The following ZMYND11 variants were observed in gnomAD, a reference collection of about 807,000 sequenced individuals.
ZMYND11 encodes zinc finger MYND-type containing 11, also known as zinc finger MYND domain-containing protein 11.
A neutral mutation model predicts 84.9 loss-of-function variants in ZMYND11; 9 were observed. The ratio of observed to expected loss-of-function variants is 0.11; its 90% CI spans 0.06 to 0.18. The LOEUF (loss-of-function observed/expected upper bound fraction) is 0.18, where lower values mean the gene tolerates loss of function less well. ZMYND11 is among the 10% of genes least tolerant of loss of function. The pLI is 1.00. For missense variants in ZMYND11, 409 were observed against 761.0 expected, an observed-to-expected ratio of 0.54 and a Z score of 5.44; for synonymous variants, 250 against 244.1, an observed-to-expected ratio of 1.02 and a Z score of -0.23.
chr10:231,035 T>C (rs574772710), intron 4 of ZMYND11, among the ~76,000 whole-genome samples: 1 of 152,350 alleles, frequency 6.6e-6, no homozygotes, highest in South Asian at 2.1e-4. Context: ...AATAATACTT[T>C]GTGACATGAA....
intron 4 of ZMYND11, among the ~76,000 whole-genome samples, chr10:222,570 A>G (rs573511391): frequency 6.6e-6 from 1 of 152,310 alleles, no homozygotes; most frequent in East Asian, 1.9e-4. Context: ...AAGTTTCACA[A>G]TTTGGAGCAA....
At chr10:215,349 C>G (rs1158150957) in intron 3 of ZMYND11, among the ~76,000 whole-genome samples, 2 of 151,908 alleles carry the variant, frequency 1.3e-5, no homozygotes, top group Non-Finnish European at 2.9e-5. Context: ...AACTACTTCT[C>G]CCTTTACTTA....
At chr10:153,548 AT>A (rs1306728500) in intron 1 of ZMYND11, among the ~76,000 whole-genome samples, 1 of 152,194 alleles carries the variant, frequency 6.6e-6, no homozygotes, top group Non-Finnish European at 1.5e-5. Context: ...ATTGGCATAC[AT>A]TCTATTTATA....
At chr10:251,909 C>CT (rs1358803708) in intron 14 of ZMYND11, among the ~76,000 whole-genome samples, 19 of 152,100 alleles carry the variant, frequency 1.2e-4, no homozygotes, top group Non-Finnish European at 1.2e-4. Context: ...AGTGACCCTG[C>CT]TAGCAGCATA....
intron 1 of ZMYND11, among the ~76,000 whole-genome samples, chr10:157,417 C>G (rs1554759661): frequency 1.3e-5 from 2 of 152,130 alleles, no homozygotes; most frequent in Non-Finnish European, 2.9e-5. Flanking sequence ...CCAGGCTGGT[C>G]TCAAACTCCT....
intron 10 of ZMYND11, among the ~76,000 whole-genome samples, chr10:243,004 TA>T (rs1329910958): frequency 6.6e-5 from 2 of 30,462 alleles, no homozygotes; most frequent in African/African-American, 1.1e-4. Context: ...CATTAAGTGG[TA>T]ATTTTTAACA....
At chr10:186,281 G>C (rs1938407481) in intron 2 of ZMYND11, among the ~76,000 whole-genome samples, 1 of 151,794 alleles carries the variant, frequency 6.6e-6, no homozygotes, top group African/African-American at 2.4e-5. Flanking sequence ...AAAGTGCTGG[G>C]ACTAGAGGTG....
chr10:193,738 A>G (rs960312119), intron 2 of ZMYND11, among the ~76,000 whole-genome samples: 1 of 152,154 alleles, frequency 6.6e-6, no homozygotes, highest in Non-Finnish European at 1.5e-5. Context: ...ACTCCTTTGT[A>G]CTGCCTTCTG....
chr10:165,338 GC>G (rs782752693), intron 1 of ZMYND11, among the ~76,000 whole-genome samples: 1 of 151,058 alleles, frequency 6.6e-6, no homozygotes, highest in Non-Finnish European at 1.5e-5. Context: ...GTTCTTAGGG[GC>G]CTAGGTCACT....
At chr10:190,014 G>A (rs1475741141) in intron 2 of ZMYND11, among the ~76,000 whole-genome samples, 2 of 152,188 alleles carry the variant, frequency 1.3e-5, no homozygotes, top group African/African-American at 4.8e-5. Flanking sequence ...TAAAAAGGCA[G>A]AAAGAGTTAG....
intron 1 of ZMYND11, among the ~76,000 whole-genome samples, chr10:144,000 C>T (rs1282468345): frequency 2.0e-5 from 2 of 98,364 alleles, no homozygotes; most frequent in East Asian, 7.7e-4. Context: ...CAAGACCCTG[C>T]CTCAATTAAA....
chr10:247,601 A>G, intron 12 of ZMYND11, 135 bp downstream of exon 12: 1 of 917,528 alleles, frequency 1.1e-6, no homozygotes, highest in Non-Finnish European at 1.7e-6. Flanking sequence ...TGTCAGTCAA[A>G]TCATATCCAT....
Position 240,062 on chromosome 10 carries a change from G to A in ZMYND11, c.704G>A (p.Ser235Asn). Residue 235 changes from serine (S) to asparagine (N), a missense_variant, in exon 8 of 15, where the codon AGT (serine) becomes AAT (asparagine). Coordinates refer to ENST00000381604, the MANE Select transcript of ZMYND11 (RefSeq NM_001370100.5). ...HNTVIFYGAD[S>N]EQADIARMLY... is the part of the protein sequence containing the mutation. The stretch of plus-strand genomic sequence containing the variant: ...TATCTATTTTTAATTACAGCAGACA[G>A]TGAGCAAGCTGACATTGCGAGGATG... 6.2e-7 allele frequency: 1 copy of A among 1,611,600 alleles called. No individual in the cohort carries two copies. Among genetic ancestry groups the A allele is most frequent in the Middle Eastern group, 1.7e-4 (1 of 6,040 alleles).
intron 2 of ZMYND11, among the ~76,000 whole-genome samples, chr10:181,828 AATT>A (rs1588708300): frequency 1.3e-5 from 2 of 152,244 alleles, no homozygotes; most frequent in African/African-American, 2.4e-5. Context: ...ACATTATTTT[AATT>A]ATTATGCTTT....
intron 10 of ZMYND11, among the ~76,000 whole-genome samples, chr10:243,091 G>C (rs140482937): frequency 0.01 from 1,523 of 152,256 alleles, 23 homozygotes; most frequent in Middle Eastern, 0.017. Flanking sequence ...TTTTTGGTAG[G>C]TTAGGGTAAG....
intron 2 of ZMYND11, among the ~76,000 whole-genome samples, chr10:188,445 T>C (rs535623238): frequency 6.6e-6 from 1 of 151,528 alleles, no homozygotes; most frequent in Non-Finnish European, 1.5e-5. Flanking sequence ...ACCACAAAAT[T>C]AGCCGGGTGT....
At chr10:247,740 C>G (rs943123672) in intron 12 of ZMYND11, among the ~76,000 whole-genome samples, 4 of 152,160 alleles carry the variant, frequency 2.6e-5, no homozygotes, top group South Asian at 2.1e-4. Flanking sequence ...GGGCACATTG[C>G]TATTAATACA....
In ZMYND11 at chr10:248,622, C is replaced by T. The variant is rs778509622; in HGVS notation, c.1500+14C>T. 2 of 1,585,338 alleles carry T rather than the reference C, an allele frequency of 1.3e-6. No individual in the cohort carries two copies. Among genetic ancestry groups the T allele is most frequent in the Non-Finnish European group, 1.7e-6 (2 of 1,167,032 alleles). On this transcript the variant is annotated intron_variant, in intron 13 of 14. Coordinates refer to ENST00000381604, the MANE Select transcript of ZMYND11 (RefSeq NM_001370100.5). ...GCTCTGGAGAAGGTAATGCTTGTCG[C>T]CACTGTGGGTGCCCTGCTGCAGCCG...
intron 2 of ZMYND11, among the ~76,000 whole-genome samples, chr10:202,063 A>G (rs888125819): frequency 3.9e-5 from 6 of 152,192 alleles, no homozygotes. Flanking sequence ...ACATGATGCA[A>G]ACCTGCCTGA....
Sources: gnomAD v4.1 joint callset for allele counts (sites outside exome capture counted in the v4.1 genomes callset) on GRCh38, gnomAD v4.1.1 for gene constraint, MANE v1.5 for transcripts, NCBI Gene and HGNC (gene_info 2026-07-23, HGNC 2026-07-21) for gene names.